BBIP1: variants seen among roughly 807,000 people sequenced by gnomAD.
BBIP1 encodes the protein BBSome interacting protein 1.
Under a neutral mutation model 8.9 loss-of-function variants are expected in BBIP1, and 6 were observed. The observed-to-expected ratio is 0.67, with a 90% CI of 0.37 to 1.33. The LOEUF is 1.33. Ranked by LOEUF, BBIP1 falls within the 40% of genes most tolerant of loss-of-function variation. BBIP1 has a pLI of 0.02. For synonymous variants in BBIP1, 32 were observed against 33.4 expected, an observed-to-expected ratio of 0.96 and a Z score of 0.14; for missense variants, 111 against 109.2, an observed-to-expected ratio of 1.02 and a Z score of -0.07.
intron 2 of BBIP1, among the ~76,000 whole-genome samples, chr10:110,908,763 G>A (rs1454138291): frequency 6.8e-6 from 1 of 146,264 alleles, no homozygotes; most frequent in Non-Finnish European, 1.5e-5. Flanking sequence ...CAAAGCACAT[G>A]GTGCATTATG....
intron 2 of BBIP1, chr10:110,912,158 CTTTTTTTT>C (rs79971994): frequency 7.8e-6 from 1 of 128,316 alleles, no homozygotes; most frequent in East Asian, 2.2e-4. Context: ...CTTTTCTTTT[CTTTTTTTT>C]TTTTTTTGGT....
At chr10:110,903,189 A>G (rs926021066) in intron 2 of BBIP1, 6 of 152,222 alleles carry the variant, frequency 3.9e-5, no homozygotes, top group African/African-American at 1.2e-4. Flanking sequence ...AAAGTGGTAG[A>G]TAAACAACTC....
chr10:110,901,350 GAAAC>G (rs1845996615), intron 3 of BBIP1, 184 bp downstream of exon 3: 1 of 578,354 alleles, frequency 1.7e-6, no homozygotes, highest in Non-Finnish European at 3.1e-6. Flanking sequence ...TTAGGTATAA[GAAAC>G]AATGTTTCAT....
intron 2 of BBIP1, chr10:110,904,065 G>A (rs1226323922): frequency 6.6e-6 from 1 of 152,218 alleles, no homozygotes; most frequent in Non-Finnish European, 1.5e-5. Context: ...CTAATAGCCA[G>A]ACATGGGTGA....
At position 110,899,067 on chromosome 10, in the gene BBIP1, T is replaced by G. The variant is rs1845904476; in HGVS notation, c.*1293A>C. On this transcript the variant is annotated 3_prime_UTR_variant, in exon 4 of 4. Transcript: ENST00000448814. ...TGGCTAATGTTACAAAAAGTTATACTCCAGAGACCCAAAGCTTGACATTTA... is the reference window on the plus strand; with the variant it reads ...TGGCTAATGTTACAAAAAGTTATACGCCAGAGACCCAAAGCTTGACATTTA... The G allele has an allele frequency of 2.0e-5, 3 of 152,138 alleles. No homozygotes were observed. In the South Asian group the frequency reaches 6.2e-4, roughly 32 times the overall value. 9.4% of individuals were successfully genotyped at this position (152,138 alleles called of 1,614,324 possible).
Position 110,916,690 on chromosome 10 carries a change from G to A in BBIP1, c.37+1431C>T, listed in dbSNP as rs756132818. Among the ~76,000 whole-genome samples, 21 of 152,336 alleles carry A rather than the reference G, an allele frequency of 1.4e-4. No individual in the cohort carries two copies. The East Asian group carries it at 1.5e-3, about 11-fold the overall frequency. On this transcript the variant is annotated intron_variant, in intron 2 of 3. Coordinates refer to ENST00000448814, the MANE Select transcript of BBIP1 (RefSeq NM_001195305.3). ...GCCCACACATCTTTCAACAATGTCT[G>A]CAGGGTGCCAGGAGTTGACACTCAT...
intron 1 of BBIP1, chr10:110,918,744 C>T (rs1351255646): frequency 6.5e-6 from 1 of 152,700 alleles, no homozygotes; most frequent in Admixed American, 6.5e-5. Context: ...AACCGCCTTC[C>T]AACGGAAGCG....
At chr10:110,900,758 T>A in intron 3 of BBIP1, 1 of 442,840 alleles carries the variant, frequency 2.3e-6, no homozygotes, top group Non-Finnish European at 4.0e-6. Flanking sequence ...TACCCAAGAA[T>A]CTATGCTACC....
At chr10:110,917,634 T>C (rs535332766) in intron 2 of BBIP1, among the ~76,000 whole-genome samples, 1 of 152,336 alleles carries the variant, frequency 6.6e-6, no homozygotes, top group African/African-American at 2.4e-5. Flanking sequence ...GCTGAATTTC[T>C]GATAAATTGA....
At chr10:110,904,492 G>C (rs1193398511) in intron 2 of BBIP1, 1 of 152,198 alleles carries the variant, frequency 6.6e-6, no homozygotes, top group Non-Finnish European at 1.5e-5. Flanking sequence ...GACTGCTTTT[G>C]TGTGTATGAG....
In BBIP1 at chr10:110,916,130, C is replaced by A. The variant is rs528518913; in HGVS notation, c.37+1991G>T. Among the ~76,000 whole-genome samples, 3 of 152,104 alleles carry A rather than the reference C, an allele frequency of 2.0e-5. No homozygotes were observed. The East Asian group carries it at 5.8e-4, about 29-fold the overall frequency. On this transcript the variant is annotated intron_variant, in intron 2 of 3. Transcript: ENST00000448814. ...GATCTTAATTGGTATATTATTTTGC[C>A]TTACTTAAATCTGGATTATTTCCAC...
At chr10:110,907,845 G>GA (rs1004817794) in intron 2 of BBIP1, 2 of 676,692 alleles carry the variant, frequency 3.0e-6, no homozygotes, top group Non-Finnish European at 5.3e-6. Flanking sequence ...CCCTGGGAAG[G>GA]AAAAAAGTTA....
chr10:110,913,266 G>A (rs1846320629), intron 2 of BBIP1, among the ~76,000 whole-genome samples: 1 of 152,188 alleles, frequency 6.6e-6, no homozygotes, highest in Non-Finnish European at 1.5e-5. Context: ...TAAGGGTCAA[G>A]TGATAAGTGG....
At chr10:110,914,660 C>CATCT (rs1846356104) in intron 2 of BBIP1, among the ~76,000 whole-genome samples, 1 of 152,134 alleles carries the variant, frequency 6.6e-6, no homozygotes, top group African/African-American at 2.4e-5. Flanking sequence ...TGCTATCTGG[C>CATCT]ATCTGCTGGT....
chr10:110,910,246 TGAA>T (rs1846243707), intron 2 of BBIP1, among the ~76,000 whole-genome samples: 1 of 152,080 alleles, frequency 6.6e-6, no homozygotes, highest in South Asian at 2.1e-4. Context: ...TACGTTCAAA[TGAA>T]GAAGCATTAA....
At chr10:110,917,122 A>G (rs896707001) in intron 2 of BBIP1, among the ~76,000 whole-genome samples, 10 of 151,878 alleles carry the variant, frequency 6.6e-5, no homozygotes, top group African/African-American at 1.9e-4. Flanking sequence ...CAAAATGCCA[A>G]TGTCACAGGG....
chr10:110,905,953 C>G (rs1846123180), intron 2 of BBIP1, among the ~76,000 whole-genome samples: 2 of 150,864 alleles, frequency 1.3e-5, no homozygotes, highest in South Asian at 4.2e-4. Context: ...TTTTTTTCTT[C>G]CTGGACCTCT....
At chr10:110,904,570 G>A (rs1197663544) in intron 2 of BBIP1, 2 of 152,204 alleles carry the variant, frequency 1.3e-5, no homozygotes, top group South Asian at 2.1e-4. Context: ...GGTAGGGACG[G>A]TATAGGGAAA....
Position 110,901,541 on chromosome 10 carries a change from G to T in BBIP1, c.109C>A (p.Gln37Lys). The T allele has an allele frequency of 1.3e-6, 2 of 1,531,790 alleles. No homozygotes were observed. The highest frequency in any genetic ancestry group is 1.7e-6 in the Non-Finnish European group (2 of 1,143,008). 94.9% of individuals were successfully genotyped at this position (1,531,790 alleles called of 1,614,324 possible). Reference protein sequence around the residue: ...KSMFREVLPKQGPLFVEDIMT... With the variant: ...KSMFREVLPKKGPLFVEDIMT... The stretch of plus-strand genomic sequence containing the variant: ...TCAATATTTGTGATGTACATACCTT[G>T]CTTTGGAAGAACTTCCCGGAACATT... Residue 37 changes from glutamine to lysine, a missense_variant, in exon 3 of 4, where the codon CAA becomes AAA. Physicochemically the swap from Gln to Lys is moderately conservative, Grantham distance 53. Coordinates refer to ENST00000448814, the MANE Select transcript of BBIP1 (RefSeq NM_001195305.3).
Sources: gnomAD v4.1 joint callset for allele counts (sites outside exome capture counted in the v4.1 genomes callset) on GRCh38, gnomAD v4.1.1 for gene constraint, MANE v1.5 for transcripts, NCBI Gene and HGNC (gene_info 2026-07-23, HGNC 2026-07-21) for gene names.